The following ENSA variants were observed in gnomAD, a reference collection of about 807,000 sequenced individuals.
ENSA encodes the protein alpha-endosulfine.
ENSA carries 7 observed loss-of-function variants against 16.8 expected under a neutral mutation model. The observed-to-expected ratio is 0.42, with a 90% confidence interval of 0.24 to 0.78. The LOEUF (loss-of-function observed/expected upper bound fraction) is 0.78, where lower values mean the gene tolerates loss of function less well. Among genes scored for constraint, ENSA ranks in the 30% least tolerant of loss-of-function variants. The pLI, the probability that ENSA is intolerant of heterozygous loss-of-function variation, is 0.29. For synonymous variants in ENSA, 58 were observed against 53.4 expected (o/e 1.09, Z -0.37); for missense variants, 87 against 142.3 (o/e 0.61, Z 1.98).
downstream of ENSA, chr1:150,621,682 G>A (rs1649005860): frequency 6.6e-6 from 1 of 152,140 alleles, no homozygotes; most frequent in African/African-American, 2.4e-5. Flanking sequence ...CACATCATGA[G>A]GAAAGAAATC....
In ENSA at chr1:150,622,863, C is replaced by T. The variant is rs115203304; in HGVS notation, c.351-4G>A. ...GCAGCATCATTCAACTTGGCCACTG[C>T]GGACGAACACAGAAGAAAAAAAAAA... On this transcript the variant is annotated splice_polypyrimidine_tract_variant and splice_region_variant and intron_variant, in intron 3 of 3. Coordinates refer to ENST00000369014, the MANE Select transcript of ENSA (RefSeq NM_004436.4). 1.2e-5 allele frequency: 18 copies of T among 1,513,236 alleles called. No homozygotes were observed. Among genetic ancestry groups the T allele is most frequent in the Admixed American group, 1.0e-4 (5 of 48,974 alleles). 93.7% of individuals were successfully genotyped at this position (1,513,236 alleles called of 1,614,324 possible). A position where few individuals can be genotyped will look rare whatever the true frequency, so the allele number is the denominator to read the frequency against.
rs765525047 is a variant in ENSA, at chr1:150,629,092, A to C, written c.57+322T>G. On this transcript the variant is annotated intron_variant, in intron 1 of 3. Coordinates refer to ENST00000369014, the MANE Select transcript of ENSA (RefSeq NM_004436.4). ...AAACCAATAACACACATCACACCCA[A>C]GACCACCAGCCATCCCCTTTCCATT... 10 of 1,614,076 alleles carry C rather than the reference A, an allele frequency of 6.2e-6. No individual in the cohort carries two copies. The Admixed American group carries it at 1.7e-4, about 27-fold the overall frequency.
chr1:150,628,609 G>A lies in ENSA; in HGVS notation c.57+805C>T, dbSNP rs187603477. Among the ~76,000 whole-genome samples the A allele has an allele frequency of 4.0e-4, 61 of 151,698 alleles. 1 individual carries two copies. The highest frequency in any genetic ancestry group is 1.4e-3 in the African/African-American group (59 of 41,326). On this transcript the variant is annotated intron_variant, in intron 1 of 3. Transcript: ENST00000369014. ...TATATTCCTTTCTCTTGGAAATTACGCATAGATATAACACCAAGTGTATTT... is the reference window on the plus strand; with the variant it reads ...TATATTCCTTTCTCTTGGAAATTACACATAGATATAACACCAAGTGTATTT...
At position 150,622,604 on chromosome 1, in the gene ENSA, T is replaced by C. The variant is rs1465876822; in HGVS notation, c.*240A>G. 3.0e-5 allele frequency: 4 copies of C among 133,482 alleles called. No individual in the cohort carries two copies. The highest frequency in any genetic ancestry group is 4.7e-5 in the Non-Finnish European group (3 of 63,442). The allele number at this position is 133,482 out of a possible 1,614,324, so 8.3% of individuals were successfully genotyped here. ...CCCCACCCCCAGAATTTCATTGATATTTCTCCCAACTGTTATTTGGAAAAA... is the reference window on the plus strand; with the variant it reads ...CCCCACCCCCAGAATTTCATTGATACTTCTCCCAACTGTTATTTGGAAAAA... On this transcript the variant is annotated 3_prime_UTR_variant, in exon 4 of 4. Transcript: ENST00000369014.
chr1:150,626,975 C>G (rs188406929), intron 2 of ENSA: 522 of 957,162 alleles, frequency 5.5e-4, no homozygotes, highest in Middle Eastern at 4.3e-3. Flanking sequence ...CCACTCTGAA[C>G]AAGAAAAATA....
At position 150,629,578 on chromosome 1, in the gene ENSA, A is replaced by G. The variant is rs967344150; in HGVS notation, c.-108T>C. On this transcript the variant is annotated 5_prime_UTR_variant, in exon 1 of 4. Coordinates refer to ENST00000369014, the MANE Select transcript of ENSA (RefSeq NM_004436.4). ...CGCTGCTGCTTCGGCTCCTGTCACT[A>G]GGGTTGCTCAGTCAAAATGGCGGCC... is the stretch of plus-strand genomic sequence containing the variant. The G allele has an allele frequency of 7.2e-7, 1 of 1,398,236 alleles. No homozygotes were observed. Among genetic ancestry groups the G allele is most frequent in the Non-Finnish European group, 9.8e-7 (1 of 1,024,310 alleles). The allele number at this position is 1,398,236 out of a possible 1,614,324, so 86.6% of individuals were successfully genotyped here.
chr1:150,622,790 C>T lies in ENSA; in HGVS notation c.*54G>A, dbSNP rs1649049182. On this transcript the variant is annotated 3_prime_UTR_variant, in exon 4 of 4. Coordinates refer to ENST00000369014, the MANE Select transcript of ENSA (RefSeq NM_004436.4). ...AAGGGGCAGGAGCCAGCACAGGACCCGGGTGGGGCAGGGAGGGGAAGCGTC... is the reference window on the plus strand; with the variant it reads ...AAGGGGCAGGAGCCAGCACAGGACCTGGGTGGGGCAGGGAGGGGAAGCGTC... 32 of 1,483,346 alleles carry T rather than the reference C, an allele frequency of 2.2e-5. No individual in the cohort carries two copies. The South Asian group carries it at 2.8e-4, about 13-fold the overall frequency. 91.9% of individuals were successfully genotyped at this position (1,483,346 alleles called of 1,614,324 possible).
chr1:150,625,023 T>C, intron 3 of ENSA: 4 of 985,390 alleles, frequency 4.1e-6, no homozygotes, highest in Non-Finnish European at 3.6e-6. Flanking sequence ...CCATTTTCTG[T>C]GAATAATGTT....
At chr1:150,624,921 G>A in intron 3 of ENSA, 3 of 975,280 alleles carry the variant, frequency 3.1e-6, no homozygotes, top group Non-Finnish European at 3.7e-6. Flanking sequence ...AGTAGAGTGA[G>A]AACCCAGATA....
rs2101746365 is a variant in ENSA, at chr1:150,627,120, T to G, written c.183+347A>C. The G allele has an allele frequency of 3.5e-6, 5 of 1,413,102 alleles. No homozygotes were observed. In the South Asian group the frequency reaches 6.7e-5, roughly 19 times the overall value. The allele number at this position is 1,413,102 out of a possible 1,614,324, so 87.5% of individuals were successfully genotyped here. A position where few individuals can be genotyped will look rare whatever the true frequency, so the allele number is the denominator to read the frequency against. On this transcript the variant is annotated intron_variant, in intron 2 of 3. Transcript: ENST00000369014. ...CTTCTGAAATGATGCATCCCAAAAT[T>G]TATCTCTAATGCTTAAAAAGTGCAC...
intron 2 of ENSA, 124 bp downstream of exon 2, chr1:150,627,343 A>T (rs764787362): frequency 6.2e-7 from 1 of 1,603,674 alleles, no homozygotes; most frequent in Admixed American, 1.8e-5. Flanking sequence ...CAAATTTCAA[A>T]TTCGCCTCTA....
chr1:150,627,150 C>A, intron 2 of ENSA: 1 of 1,472,142 alleles, frequency 6.8e-7, no homozygotes, highest in Non-Finnish European at 8.9e-7. Flanking sequence ...GTGCACAATC[C>A]TAAAACCTCC....
At chr1:150,626,608 G>C in intron 2 of ENSA, 1 of 1,036,212 alleles carries the variant, frequency 9.7e-7, no homozygotes, top group Non-Finnish European at 1.5e-6. Context: ...CCAGGCTGGA[G>C]TGCAGTGGCA....
rs1015261105 is a variant in ENSA at position 150,629,588 on chromosome 1, A to G, written c.-118T>C. The G allele has an allele frequency of 2.2e-6, 3 of 1,333,570 alleles. No individual in the cohort carries two copies. The highest frequency in any genetic ancestry group is 3.1e-6 in the Non-Finnish European group (3 of 968,614). 82.6% of individuals were successfully genotyped at this position (1,333,570 alleles called of 1,614,324 possible). ...TCGGCTCCTGTCACTAGGGTTGCTCAGTCAAAATGGCGGCCCTTGCCCGTG... is the reference window on the plus strand; with the variant it reads ...TCGGCTCCTGTCACTAGGGTTGCTCGGTCAAAATGGCGGCCCTTGCCCGTG... On this transcript the variant is annotated 5_prime_UTR_variant, in exon 1 of 4. Transcript: ENST00000369014.
downstream of ENSA, chr1:150,622,099 T>A (rs1301862725): frequency 1.3e-5 from 2 of 152,188 alleles, no homozygotes; most frequent in Admixed American, 6.5e-5. Context: ...CAAACCCCAA[T>A]AAAACACACC....
Position 150,622,671 on chromosome 1 carries a change from AG to A in ENSA, c.*172del, listed in dbSNP as rs2101732736. On this transcript the variant is annotated 3_prime_UTR_variant, in exon 4 of 4. Coordinates refer to ENST00000369014, the MANE Select transcript of ENSA (RefSeq NM_004436.4). ...GTTCAAGGTCTTGGTGCTCAGCCCA[AG>A]GGGCTCCATGTGCTGGGACACCAAC... 1.9e-6 allele frequency: 1 copy of A among 530,236 alleles called. No individual in the cohort carries two copies. Among genetic ancestry groups the A allele is most frequent in the Admixed American group, 3.8e-5 (1 of 26,256 alleles). The allele number at this position is 530,236 out of a possible 1,614,324, so 32.8% of individuals were successfully genotyped here. A position where few individuals can be genotyped will look rare whatever the true frequency, so the allele number is the denominator to read the frequency against.
At chr1:150,624,462 C>T (rs1288831190) in intron 3 of ENSA, 4 of 985,816 alleles carry the variant, frequency 4.1e-6, no homozygotes, top group Non-Finnish European at 4.8e-6. Context: ...GAGCATGTTT[C>T]CTCAGGCCTG....
chr1:150,626,550 A>T (rs1649328363), intron 2 of ENSA: 1 of 1,608,062 alleles, frequency 6.2e-7, no homozygotes, highest in Non-Finnish European at 8.5e-7. Context: ...AGAGGAGAGT[A>T]AGGAAAATAA....
At chr1:150,629,343 A>C in intron 1 of ENSA, 71 bp downstream of exon 1, 2 of 1,576,028 alleles carry the variant, frequency 1.3e-6, no homozygotes, top group Admixed American at 1.8e-5. Context: ...ACCAATCCGC[A>C]CTGGTGGGAG....
Sources: allele counts gnomAD v4.1 joint callset (sites outside exome capture counted in the v4.1 genomes callset), GRCh38; gene constraint gnomAD v4.1.1; transcripts MANE v1.5; gene names NCBI Gene and HGNC (gene_info 2026-07-23, HGNC 2026-07-21).